Variants in YES1 observed in about 807,000 individuals in gnomAD.
YES1 encodes tyrosine-protein kinase Yes.
In YES1, 39 loss-of-function variants were observed where a neutral mutation model predicts 70.4. That is an observed-to-expected ratio of 0.55 (90% CI 0.43 to 0.72). YES1 has a LOEUF of 0.72. YES1 is among the 30% of genes least tolerant of loss of function. The pLI is 0.00. For synonymous variants in YES1, 198 were observed against 218.6 expected, an observed-to-expected ratio of 0.91 and a Z score of 0.83; for missense variants, 495 against 644.8, an observed-to-expected ratio of 0.77 and a Z score of 2.52.
intron 1 of YES1, among the ~76,000 whole-genome samples, chr18:803,769 G>A (rs1207496779): frequency 6.6e-6 from 1 of 152,168 alleles, no homozygotes; most frequent in Non-Finnish European, 1.5e-5. Context: ...CATAATCAGA[G>A]CACTTGTAGG....
intron 11 of YES1, among the ~76,000 whole-genome samples, chr18:727,898 C>A (rs745764663): frequency 6.6e-6 from 1 of 152,062 alleles, no homozygotes; most frequent in Non-Finnish European, 1.5e-5. Flanking sequence ...GTTGTTCCTG[C>A]GTAGATAATA....
chr18:780,868 A>T (rs1390600835), intron 1 of YES1, among the ~76,000 whole-genome samples: 2 of 152,156 alleles, frequency 1.3e-5, no homozygotes, highest in African/African-American at 4.8e-5. Flanking sequence ...TCCTGGCTAT[A>T]ATGTGAAAAA....
intron 1 of YES1, among the ~76,000 whole-genome samples, chr18:779,293 A>C (rs781094110): frequency 6.6e-6 from 1 of 151,802 alleles, no homozygotes; most frequent in Non-Finnish European, 1.5e-5. Flanking sequence ...AGTCCTGGCT[A>C]CTCAGAAGGC....
At chr18:772,620 C>T (rs1286431525) in intron 1 of YES1, among the ~76,000 whole-genome samples, 13 of 151,814 alleles carry the variant, frequency 8.6e-5, no homozygotes, top group Non-Finnish European at 1.5e-4. Flanking sequence ...TTAGTAGAGA[C>T]AGAGTTTCAC....
chr18:785,415 A>AG (rs967120476), intron 1 of YES1, among the ~76,000 whole-genome samples: 1 of 152,142 alleles, frequency 6.6e-6, no homozygotes, highest in Non-Finnish European at 1.5e-5. Context: ...ACTGAGTGTT[A>AG]GGGGGGAGAA....
At chr18:737,188 C>A in intron 9 of YES1, 1 of 436,850 alleles carries the variant, frequency 2.3e-6, no homozygotes, top group Non-Finnish European at 4.1e-6. Context: ...TGCGGTGGCC[C>A]ACACCTATAA....
chr18:762,786 T>C (rs1460471820), intron 1 of YES1, among the ~76,000 whole-genome samples: 1 of 152,162 alleles, frequency 6.6e-6, no homozygotes, highest in Non-Finnish European at 1.5e-5. Flanking sequence ...AAATATTGTA[T>C]ATTAGACACT....
At chr18:740,876 T>C (rs3865405) in intron 8 of YES1, among the ~76,000 whole-genome samples, 91,542 of 152,050 alleles carry the variant, frequency 0.6, 28,582 homozygotes, top group African/African-American at 0.78. Context: ...ATTTCTTATG[T>C]TCCAATATCT....
chr18:811,486 A>G (rs914081427), intron 1 of YES1, among the ~76,000 whole-genome samples: 1 of 152,240 alleles, frequency 6.6e-6, no homozygotes, highest in East Asian at 1.9e-4. Context: ...TCTTTAACAC[A>G]TGTGGACAGG....
intron 1 of YES1, among the ~76,000 whole-genome samples, chr18:805,880 T>C (rs958480172): frequency 1.3e-5 from 2 of 152,166 alleles, no homozygotes; most frequent in Non-Finnish European, 2.9e-5. Context: ...AAAAGTTACA[T>C]TAAAAAATTA....
intron 1 of YES1, among the ~76,000 whole-genome samples, chr18:778,561 C>T (rs1369204744): frequency 6.6e-6 from 1 of 152,154 alleles, no homozygotes; most frequent in East Asian, 1.9e-4. Context: ...ACATTACATG[C>T]TCTATCTAGT....
At chr18:733,500 T>C (rs564946181) in intron 10 of YES1, among the ~76,000 whole-genome samples, 2 of 152,214 alleles carry the variant, frequency 1.3e-5, no homozygotes, top group African/African-American at 4.8e-5. Flanking sequence ...AGCATGGCTT[T>C]CGGCCGGGCG....
chr18:745,783 G>C lies in YES1; in HGVS notation c.649C>G (p.Leu217Val). The C allele has an allele frequency of 6.2e-7, 1 of 1,613,124 alleles. No individual in the cohort carries two copies. The highest frequency in any genetic ancestry group is 1.1e-5 in the South Asian group (1 of 91,044). The change falls in exon 6 of 12, where the codon CTT (leucine) becomes GTT (valine). Residue 217 changes from leucine to valine, a missense_variant. This residue lies in a region of YES1 where 385 missense variants were observed against 540.9 expected (regional missense o/e 0.71). Coordinates refer to ENST00000314574, the MANE Select transcript of YES1 (RefSeq NM_005433.4). The part of the protein sequence containing the change: ...DNVKHYKIRK[L>V]DNGGYYITTR... ...GTGATATAGTATCCACCATTGTCAA[G>C]TTTCCTAATTTTGTAGTGTTTCACA...
rs541323522 is a variant in YES1, at chr18:744,126, A to T, written c.725-711T>A. Among the ~76,000 whole-genome samples, 8 of 151,606 alleles carry T rather than the reference A, an allele frequency of 5.3e-5. No homozygotes were observed. The East Asian group carries it at 1.5e-3, about 29-fold the overall frequency. ...TTAGTATGTTCCACTATTGTGCTAA[A>T]TTAGCACTTCACAAGTATCTCATAT... is the stretch of plus-strand genomic sequence containing the variant. On this transcript the variant is annotated intron_variant, in intron 6 of 11. Transcript: ENST00000314574.
rs202136846 is a variant in YES1 at position 724,332 on chromosome 18, AAAG to A, written c.*89_*91del. ...GTTTACCATTAAAAACATGCAGAGT[AAAG>A]AAGATTTTCTTCTTTTGATTCCTGT... On this transcript the variant is annotated 3_prime_UTR_variant, in exon 12 of 12. Transcript: ENST00000314574. 14,956 of 1,247,018 alleles carry A rather than the reference AAAG, an allele frequency of 0.012. 228 individuals carry two copies. The highest frequency in any genetic ancestry group is 0.012 in the Non-Finnish European group (11,142 of 895,658). 77.2% of individuals were successfully genotyped at this position (1,247,018 alleles called of 1,614,324 possible).
intron 1 of YES1, 26 bp from the exon 2 acceptor site, chr18:756,861 G>C: frequency 1.3e-6 from 2 of 1,594,212 alleles, no homozygotes; most frequent in East Asian, 4.5e-5. Context: ...AATATTTTGA[G>C]AGTCAGTTAA....
intron 11 of YES1, among the ~76,000 whole-genome samples, chr18:730,208 G>A (rs2080071793): frequency 6.6e-6 from 1 of 152,018 alleles, no homozygotes; most frequent in Non-Finnish European, 1.5e-5. Context: ...GTTTGGCTGG[G>A]CAAGAACTCC....
chr18:780,446 C>A (rs1325476468), intron 1 of YES1, among the ~76,000 whole-genome samples: 3 of 152,120 alleles, frequency 2.0e-5, no homozygotes, highest in Non-Finnish European at 4.4e-5. Flanking sequence ...CAATAGCACA[C>A]TCAGCCCCCT....
chr18:733,364 T>A lies in YES1; in HGVS notation c.1292-399A>T, dbSNP rs571126992. On this transcript the variant is annotated intron_variant, in intron 10 of 11. Coordinates refer to ENST00000314574, the MANE Select transcript of YES1 (RefSeq NM_005433.4). Reference sequence around the variant, plus strand: ...GAGTTATAATGTTTATGGGTTTTCCTACTTTTTATATCATTCTGGAAAATT... The same window carrying A: ...GAGTTATAATGTTTATGGGTTTTCCAACTTTTTATATCATTCTGGAAAATT... Among the ~76,000 whole-genome samples the A allele has an allele frequency of 1.1e-4, 16 of 152,376 alleles. No homozygotes were observed. The South Asian group carries it at 1.9e-3, about 18-fold the overall frequency.
Sources: allele counts gnomAD v4.1 joint callset (sites outside exome capture counted in the v4.1 genomes callset), GRCh38; gene constraint gnomAD v4.1.1; regional missense constraint gnomAD v4.1.1; transcripts MANE v1.5; gene names NCBI Gene and HGNC (gene_info 2026-07-23, HGNC 2026-07-21).